Variants in RNF149 observed in about 807,000 individuals in gnomAD.
RNF149 encodes ring finger protein 149.
RNF149 carries 21 observed loss-of-function variants against 39.0 expected under a neutral mutation model. That is an observed-to-expected ratio of 0.54 (90% CI 0.38 to 0.77). The LOEUF is 0.77. Among genes scored for constraint, RNF149 ranks in the 30% least tolerant of loss-of-function variants. RNF149 has a pLI of 0.00. For missense variants in RNF149, 493 were observed against 534.9 expected (o/e 0.92, Z 0.77); for synonymous variants, 209 against 213.6 (o/e 0.98, Z 0.19).
At chr2:101,295,202 A>G in intron 1 of RNF149, 21 bp from the exon 2 acceptor site, 1 of 1,599,118 alleles carries the variant, frequency 6.3e-7, no homozygotes, top group Non-Finnish European at 8.6e-7. Flanking sequence ...GAACAAAGAA[A>G]TCAATGTGAA....
At position 101,308,370 on chromosome 2, in the gene RNF149, C is replaced by A. The variant is rs755270014; in HGVS notation, c.219G>T (p.Ala73=). 6.2e-7 allele frequency: 1 copy of A among 1,606,894 alleles called. No individual in the cohort carries two copies. Among genetic ancestry groups the A allele is most frequent in the Admixed American group, 1.7e-5 (1 of 59,734 alleles). Residue 73 remains alanine, a synonymous_variant, in exon 1 of 7, where the codon GCG becomes GCT. Transcript: ENST00000295317. ...RFGDSSPKEG[A]HGLVGVPWAP... Reference sequence around the variant, plus strand: ...CCCACGGGACGCCCACCAGGCCATGCGCGCCCTCCTTGGGCGAGCTGTCGC... The same window carrying A: ...CCCACGGGACGCCCACCAGGCCATGAGCGCCCTCCTTGGGCGAGCTGTCGC...
intron 2 of RNF149, chr2:101,294,666 C>T (rs1472847268): frequency 2.8e-6 from 1 of 359,298 alleles, no homozygotes; most frequent in Non-Finnish European, 5.1e-6. Flanking sequence ...TTCATCACTC[C>T]TTTGGGTCTG....
At chr2:101,289,510 T>A (rs898105070) in intron 3 of RNF149, among the ~76,000 whole-genome samples, 1 of 151,892 alleles carries the variant, frequency 6.6e-6, no homozygotes, top group Admixed American at 6.6e-5. Flanking sequence ...ATTGAGACCA[T>A]CCTGGCCAAC....
chr2:101,274,173 A>G (rs1015386635), downstream of RNF149, among the ~76,000 whole-genome samples: 7 of 152,204 alleles, frequency 4.6e-5, no homozygotes, highest in Non-Finnish European at 7.4e-5. Context: ...TGACCTCCAC[A>G]ATATTCATGC....
intron 1 of RNF149, 146 bp downstream of exon 1, chr2:101,307,983 A>C: frequency 1.4e-6 from 2 of 1,431,616 alleles, no homozygotes; most frequent in South Asian, 3.0e-5. Context: ...CGAGCAAACG[A>C]GGGCTTCCCT....
At chr2:101,295,480 T>C (rs975466799) in intron 1 of RNF149, among the ~76,000 whole-genome samples, 2 of 151,794 alleles carry the variant, frequency 1.3e-5, no homozygotes, top group African/African-American at 4.8e-5. Flanking sequence ...GCCAACATAG[T>C]GAAACCCTGC....
At chr2:101,278,029 A>G (rs1250848500) in intron 6 of RNF149, among the ~76,000 whole-genome samples, 1 of 151,604 alleles carries the variant, frequency 6.6e-6, no homozygotes, top group African/African-American at 2.4e-5. Context: ...TGAAATCCAG[A>G]CAGTTGCTAT....
At chr2:101,271,495 T>C (rs1159757163), downstream of RNF149, 2 of 150,808 alleles carry the variant, frequency 1.3e-5, no homozygotes, top group East Asian at 2.0e-4. Flanking sequence ...ATTATCAGGG[T>C]GTGGCATGCA....
rs148982200 is a variant in RNF149 at position 101,284,863 on chromosome 2, T to C, written c.960+1218A>G. On this transcript the variant is annotated intron_variant, in intron 5 of 6. Coordinates refer to ENST00000295317, the MANE Select transcript of RNF149 (RefSeq NM_173647.4). ...AAAAATATGTTTAGCAACAAGACTA[T>C]ATTTGATAAATTATTTTCCCCAAAG... Among the ~76,000 whole-genome samples the C allele has an allele frequency of 2.6e-5, 4 of 152,342 alleles. 1 individual carries two copies. In the East Asian group the frequency reaches 7.7e-4, roughly 29 times the overall value.
chr2:101,279,184 G>A (rs544580481), intron 6 of RNF149, among the ~76,000 whole-genome samples: 13 of 152,330 alleles, frequency 8.5e-5, no homozygotes, highest in Admixed American at 6.5e-5. Context: ...AGCCCCATAC[G>A]GGGTGGGGTG....
downstream of RNF149, chr2:101,273,019 A>G (rs776315960): frequency 5.0e-5 from 68 of 1,352,898 alleles, no homozygotes; most frequent in Non-Finnish European, 6.5e-5. Context: ...AGACACTGCA[A>G]TTCGGCCTTT....
rs934481995 is a variant in RNF149 at position 101,308,540 on chromosome 2, C to T, written c.49G>A (p.Ala17Thr). ...AGGGCCAGGGCGAGCAACGCCAGAG[C>T]CAACACGCCGCGAGCCCCGACGCTG... ...EASVGARGVL[A>T]LALLALALCV... The change falls in exon 1 of 7, where the codon GCT becomes ACT. Residue 17 changes from alanine (A) to threonine (T), a missense_variant. By Grantham distance (58) the Ala-to-Thr change is moderately conservative (BLOSUM62 0). Coordinates refer to ENST00000295317, the MANE Select transcript of RNF149 (RefSeq NM_173647.4). 2.5e-6 allele frequency: 4 copies of T among 1,596,474 alleles called. No homozygotes were observed. The highest frequency in any genetic ancestry group is 3.4e-6 in the Non-Finnish European group (4 of 1,174,418).
chr2:101,307,987 C>A, intron 1 of RNF149, 142 bp downstream of exon 1: 1 of 1,436,418 alleles, frequency 7.0e-7, no homozygotes, highest in East Asian at 2.7e-5. Context: ...CAAACGAGGG[C>A]TTCCCTGAAA....
intron 6 of RNF149, among the ~76,000 whole-genome samples, chr2:101,280,789 C>T (rs560500274): frequency 1.8e-4 from 27 of 152,024 alleles, no homozygotes; most frequent in Non-Finnish European, 3.1e-4. Flanking sequence ...ATAAAGATGA[C>T]CAACAATGTG....
At chr2:101,298,772 G>A (rs1056265175) in intron 1 of RNF149, among the ~76,000 whole-genome samples, 3 of 152,200 alleles carry the variant, frequency 2.0e-5, no homozygotes, top group African/African-American at 7.2e-5. Context: ...CTGTTTCTGG[G>A]GAGAGGCGCT....
chr2:101,275,487 G>A (rs1399649304), downstream of RNF149, among the ~76,000 whole-genome samples: 1 of 110,356 alleles, frequency 9.1e-6, no homozygotes, highest in East Asian at 2.9e-4. Flanking sequence ...TGTCGCCCAG[G>A]CTGGAGTGCA....
At chr2:101,288,876 A>G in intron 4 of RNF149, 97 bp downstream of exon 4, 1 of 641,162 alleles carries the variant, frequency 1.6e-6, no homozygotes, top group South Asian at 2.0e-5. Flanking sequence ...CACAAATTAC[A>G]AGATCTTCAT....
intron 2 of RNF149, chr2:101,294,679 A>C: frequency 2.6e-6 from 1 of 392,128 alleles, no homozygotes. Flanking sequence ...TGGGTCTGGC[A>C]AGGGACTAAG....
chr2:101,294,592 C>A, intron 2 of RNF149: 1 of 237,442 alleles, frequency 4.2e-6, no homozygotes, highest in South Asian at 6.3e-5. Flanking sequence ...TCTTTGCTGT[C>A]ACTGAGAGAG....
Sources: allele counts gnomAD v4.1 joint callset (sites outside exome capture counted in the v4.1 genomes callset), GRCh38; gene constraint gnomAD v4.1.1; transcripts MANE v1.5; gene names NCBI Gene and HGNC (gene_info 2026-07-23, HGNC 2026-07-21).